DSG4: variants seen among roughly 807,000 people sequenced by gnomAD.
The protein encoded by DSG4 is desmoglein-4.
DSG4 carries 87 observed loss-of-function variants against 93.1 expected under a neutral mutation model. The observed-to-expected ratio is 0.93, with a 90% CI of 0.79 to 1.12. The LOEUF is 1.12. DSG4 is among the 50% of genes most tolerant of loss of function. DSG4 has a pLI of 0.00. For synonymous variants in DSG4, 432 were observed against 452.9 expected (o/e 0.95, Z 0.59); for missense variants, 1,373 against 1,285.7 (o/e 1.07, Z -1.04).
rs938099862 is a variant in DSG4, at chr18:31,414,280, A to C, written c.*685A>C. Reference sequence around the variant, plus strand: ...TATATGATTAACTGTAAATTAATCTAGAATAGCAAAAAAAAATGACAATCC... The same window carrying C: ...TATATGATTAACTGTAAATTAATCTCGAATAGCAAAAAAAAATGACAATCC... On this transcript the variant is annotated 3_prime_UTR_variant, in exon 16 of 16. Coordinates refer to ENST00000308128, the MANE Select transcript of DSG4 (RefSeq NM_177986.5). The C allele has an allele frequency of 6.6e-6, 1 of 151,856 alleles. No homozygotes were observed. Among genetic ancestry groups the C allele is most frequent in the Admixed American group, 6.5e-5 (1 of 15,272 alleles). 9.4% of individuals were successfully genotyped at this position (151,856 alleles called of 1,614,324 possible). A position where few individuals can be genotyped will look rare whatever the true frequency, so the allele number is the denominator to read the frequency against.
chr18:31,405,796 A>G (rs1248342826), intron 11 of DSG4, among the ~76,000 whole-genome samples: 2 of 152,048 alleles, frequency 1.3e-5, no homozygotes, highest in Non-Finnish European at 2.9e-5. Context: ...AGGTGGGAGA[A>G]TCACTTAAAC....
intron 11 of DSG4, 95 bp from the exon 12 acceptor site, chr18:31,405,982 T>C: frequency 7.0e-7 from 1 of 1,428,748 alleles, no homozygotes; most frequent in East Asian, 2.3e-5. Flanking sequence ...AAATCTAGTG[T>C]TTTAAGTCAA....
chr18:31,388,349 T>C lies in DSG4; in HGVS notation c.217-18T>C, dbSNP rs1049360047. 1.9e-6 allele frequency: 3 copies of C among 1,612,180 alleles called. No individual in the cohort carries two copies. Among genetic ancestry groups the C allele is most frequent in the African/African-American group, 2.7e-5 (2 of 74,862 alleles). Reference sequence around the variant, plus strand: ...TCTGCTCTAAACTGGATCACAATCCTAGCTATTTTTCTTATAGATTCGATC... The same window carrying C: ...TCTGCTCTAAACTGGATCACAATCCCAGCTATTTTTCTTATAGATTCGATC... On this transcript the variant is annotated intron_variant, in intron 3 of 15. Transcript: ENST00000308128.
chr18:31,411,246 C>A lies in DSG4; in HGVS notation c.2153C>A (p.Thr718Asn). The A allele has an allele frequency of 1.9e-6, 3 of 1,613,936 alleles. No individual in the cohort carries two copies. Among genetic ancestry groups the A allele is most frequent in the Non-Finnish European group, 2.5e-6 (3 of 1,180,028 alleles). ...RMDSSEIYTN[T>N]YAAGGTVEGG... ...CCCTTTTCAGAAATCTACACCAACA[C>A]CTATGCAGCCGGGGGCACGGTGGAA... Residue 718 changes from threonine (T) to asparagine (N), a missense_variant, in exon 15 of 16, where the codon ACC becomes AAC. Thr to Asn is a moderately conservative substitution (Grantham distance 65). Coordinates refer to ENST00000308128, the MANE Select transcript of DSG4 (RefSeq NM_177986.5).
intron 8 of DSG4, among the ~76,000 whole-genome samples, chr18:31,397,549 T>G (rs906394428): frequency 2.6e-5 from 4 of 152,090 alleles, no homozygotes; most frequent in Admixed American, 6.6e-5. Context: ...AGAGGAAAGG[T>G]TGACCCCAGA....
intron 10 of DSG4, among the ~76,000 whole-genome samples, chr18:31,402,425 C>T (rs76457033): frequency 0.011 from 1,744 of 152,034 alleles, 39 homozygotes; most frequent in African/African-American, 0.041. Context: ...TGATGCCTCT[C>T]GAATGAGAAG....
intron 1 of DSG4, among the ~76,000 whole-genome samples, chr18:31,380,738 G>A (rs1376949273): frequency 2.0e-5 from 3 of 152,078 alleles, no homozygotes; most frequent in Non-Finnish European, 4.4e-5. Flanking sequence ...CTACATATGC[G>A]GATGACTTCC....
At chr18:31,394,121 C>T (rs2072278618) in intron 8 of DSG4, among the ~76,000 whole-genome samples, 1 of 152,150 alleles carries the variant, frequency 6.6e-6, no homozygotes, top group South Asian at 2.1e-4. Context: ...TACGTATTTT[C>T]TGTGGCTGTT....
chr18:31,411,156 G>C (rs1370762938), intron 14 of DSG4, 75 bp from the exon 15 acceptor site: 1 of 1,614,036 alleles, frequency 6.2e-7, no homozygotes, highest in East Asian at 2.2e-5. Flanking sequence ...ACCGCAGACG[G>C]CGGCGGCAGC....
At position 31,413,181 on chromosome 18, in the gene DSG4, G is replaced by T. The variant is rs1216315385; in HGVS notation, c.2709G>T (p.Gly903=). 3.1e-6 allele frequency: 5 copies of T among 1,613,984 alleles called. No homozygotes were observed. Among genetic ancestry groups the T allele is most frequent in the Non-Finnish European group, 4.2e-6 (5 of 1,180,040 alleles). ...CAGCATCTGAACCCGTGGTCCATGG[G>T]GATATTATTGTGACTGAGACTTACG... is the stretch of plus-strand genomic sequence containing the variant. ...EMAASEPVVH[G]DIIVTETYGN... is the part of the protein sequence containing the mutation. Residue 903 remains glycine (G), a synonymous_variant, in exon 16 of 16, where the codon GGG becomes GGT. Coordinates refer to ENST00000308128, the MANE Select transcript of DSG4 (RefSeq NM_177986.5).
At position 31,391,055 on chromosome 18, in the gene DSG4, C is replaced by T. The variant is rs376466681; in HGVS notation, c.685-23C>T. 14 of 1,612,984 alleles carry T rather than the reference C, an allele frequency of 8.7e-6. No homozygotes were observed. In the African/African-American group the frequency reaches 1.1e-4, roughly 12 times the overall value. On this transcript the variant is annotated intron_variant, in intron 6 of 15. Transcript: ENST00000308128. ...TATTCAAGACAAAACCTAAGTCTTACGTTCTTTTTCATCTTGATTAAGCAA... is the reference window on the plus strand; with the variant it reads ...TATTCAAGACAAAACCTAAGTCTTATGTTCTTTTTCATCTTGATTAAGCAA...
chr18:31,398,568 C>T (rs967830823), intron 8 of DSG4, among the ~76,000 whole-genome samples: 1 of 152,158 alleles, frequency 6.6e-6, no homozygotes, highest in Non-Finnish European at 1.5e-5. Flanking sequence ...TTCAGCAATT[C>T]TTTCTTTGCA....
intron 6 of DSG4, 111 bp downstream of exon 6, chr18:31,390,933 T>A (rs1466844983): frequency 2.2e-5 from 33 of 1,498,846 alleles, no homozygotes; most frequent in Non-Finnish European, 2.6e-5. Flanking sequence ...AGAAAAATAA[T>A]CCATTTTTAA....
Position 31,413,077 on chromosome 18 carries a change from C to T in DSG4, c.2605C>T (p.Pro869Ser). ...TTGTATACCAATCAGTACTGACCTCCCTTTGCTCGGACCTAATTACTTTGT... is the reference window on the plus strand; with the variant it reads ...TTGTATACCAATCAGTACTGACCTCTCTTTGCTCGGACCTAATTACTTTGT... ...QACIPISTDL[P>S]LLGPNYFVNE... The change falls in exon 16 of 16, where the codon CCT becomes TCT. Residue 869 changes from proline to serine, a missense_variant. Transcript: ENST00000308128. 6.2e-7 allele frequency: 1 copy of T among 1,614,122 alleles called. No homozygotes were observed. Among genetic ancestry groups the T allele is most frequent in the Non-Finnish European group, 8.5e-7 (1 of 1,180,040 alleles).
In DSG4 at chr18:31,388,474, A is replaced by T; in HGVS notation, c.324A>T (p.Glu108Asp). ...GVFTINPRTG[E>D]INITSVVDRE... is the part of the protein sequence containing the mutation. ...TCACCATTAATCCTCGCACTGGGGA[A>T]ATTAACATCACTTCAGTGGTAGACA... Residue 108 changes from glutamate (E) to aspartate (D), a missense_variant, in exon 4 of 16, where the codon GAA becomes GAT. Physicochemically the swap from Glu to Asp is conservative, Grantham distance 45 (BLOSUM62 2). Transcript: ENST00000308128. The T allele has an allele frequency of 6.2e-7, 1 of 1,613,582 alleles. No individual in the cohort carries two copies. The highest frequency in any genetic ancestry group is 8.5e-7 in the Non-Finnish European group (1 of 1,179,634).
chr18:31,411,267 T>C lies in DSG4; in HGVS notation c.2174T>C (p.Val725Ala), dbSNP rs751758857. Residue 725 changes from valine to alanine, a missense_variant, in exon 15 of 16, where the codon GTG becomes GCG. Coordinates refer to ENST00000308128, the MANE Select transcript of DSG4 (RefSeq NM_177986.5). ...YTNTYAAGGT[V>A]EGGVSGVELN... is the part of the protein sequence containing the mutation. ...AACACCTATGCAGCCGGGGGCACGG[T>C]GGAAGGAGGTGTATCGGGAGTGGAG... The C allele has an allele frequency of 6.2e-7, 1 of 1,613,916 alleles. No individual in the cohort carries two copies. The highest frequency in any genetic ancestry group is 8.5e-7 in the Non-Finnish European group (1 of 1,179,958).
At chr18:31,398,897 C>T (rs914257805) in intron 8 of DSG4, among the ~76,000 whole-genome samples, 1 of 152,068 alleles carries the variant, frequency 6.6e-6, no homozygotes, top group East Asian at 1.9e-4. Context: ...AATCTGGGTA[C>T]TATTTATTTA....
At chr18:31,377,000 A>T (rs1431041026) in intron 1 of DSG4, 41 bp downstream of exon 1, 1 of 1,602,170 alleles carries the variant, frequency 6.2e-7, no homozygotes, top group African/African-American at 1.3e-5. Context: ...ATGCAGCCTC[A>T]AGGTCTTGTC....
chr18:31,400,775 A>C, intron 9 of DSG4, 106 bp from the exon 10 acceptor site: 1 of 1,199,516 alleles, frequency 8.3e-7, no homozygotes, highest in Non-Finnish European at 1.2e-6. Flanking sequence ...ATCACTATAA[A>C]ACATAAAAAC....
Sources: allele counts gnomAD v4.1 joint callset (sites outside exome capture counted in the v4.1 genomes callset), GRCh38; gene constraint gnomAD v4.1.1; transcripts MANE v1.5; gene names NCBI Gene and HGNC (gene_info 2026-07-23, HGNC 2026-07-21).